Variants in C12orf42 observed in about 807,000 individuals in gnomAD.
The protein encoded by C12orf42 is uncharacterized protein C12orf42.
In C12orf42, 25 loss-of-function variants were observed where a neutral mutation model predicts 21.6. The ratio of observed to expected loss-of-function variants is 1.16; its 90% confidence interval spans 0.84 to 1.62. The LOEUF (loss-of-function observed/expected upper bound fraction) is 1.62, where lower values mean the gene tolerates loss of function less well. Ranked by LOEUF, C12orf42 falls within the 40% of genes most tolerant of loss-of-function variation. The probability of loss-of-function intolerance (pLI) is 0.00; values close to 1 mark genes in which losing one functional copy is unlikely to be tolerated. For missense variants in C12orf42, 483 were observed against 459.3 expected (o/e 1.05, Z -0.47); for synonymous variants, 174 against 175.0 (o/e 0.99, Z 0.05).
At chr12:103,165,532 GGT>G in the C12orf42 span, among the ~76,000 whole-genome samples, 1 of 152,164 alleles carries the variant, frequency 6.6e-6, no homozygotes, top group Non-Finnish European at 1.5e-5. Context: ...AACAGTGGCA[GGT>G]AGAGACTCAA....
At chr12:103,242,824 A>G (rs1283255312) in intron 10 of C12orf42, among the ~76,000 whole-genome samples, 2 of 152,170 alleles carry the variant, frequency 1.3e-5, no homozygotes, top group Non-Finnish European at 2.9e-5. Context: ...CACTTTATAA[A>G]AAGACTCAAA....
intron 4 of C12orf42, among the ~76,000 whole-genome samples, chr12:103,365,789 A>G (rs1036527421): frequency 7.2e-5 from 11 of 152,204 alleles, no homozygotes; most frequent in South Asian, 6.2e-4. Flanking sequence ...AGACCTCTAC[A>G]AGGAAAACTA....
At chr12:103,557,932 G>A in the C12orf42 span, 1 of 152,182 alleles carries the variant, frequency 6.6e-6, no homozygotes, top group African/African-American at 2.4e-5. Flanking sequence ...GAAAATGATT[G>A]AAAATGTTAA....
the C12orf42 span, among the ~76,000 whole-genome samples, chr12:103,219,328 A>G: frequency 6.6e-6 from 1 of 152,220 alleles, no homozygotes; most frequent in Non-Finnish European, 1.5e-5. Context: ...CCTAGGCAAT[A>G]CCATTCAGGA....
At chr12:103,347,477 G>A (rs193195873) in intron 4 of C12orf42, among the ~76,000 whole-genome samples, 8 of 152,094 alleles carry the variant, frequency 5.3e-5, no homozygotes, top group East Asian at 3.9e-4. Context: ...GGGTTGGTTC[G>A]AAGTCTTTGC....
chr12:103,079,826 T>C, the C12orf42 span, among the ~76,000 whole-genome samples: 1 of 152,212 alleles, frequency 6.6e-6, no homozygotes, highest in African/African-American at 2.4e-5. Flanking sequence ...TTAGTATTTC[T>C]GTCCTGAAGT....
rs572437818 is a variant in C12orf42, at chr12:103,385,366, G to A, written c.147+16241C>T. Among the ~76,000 whole-genome samples, 39 of 152,250 alleles carry A rather than the reference G, an allele frequency of 2.6e-4. No homozygotes were observed. In the Middle Eastern group the frequency reaches 0.01, roughly 40 times the overall value. The stretch of plus-strand genomic sequence containing the variant: ...ATGTATACGCCTGGAACTGAATACC[G>A]TGTCAAATCTATTGGCACTGCATGT... On this transcript the variant is annotated intron_variant, in intron 3 of 5. Transcript: ENST00000548883.
At chr12:103,334,971 GC>G (rs1566099589) in intron 4 of C12orf42, among the ~76,000 whole-genome samples, 1 of 151,204 alleles carries the variant, frequency 6.6e-6, no homozygotes, top group African/African-American at 2.4e-5. Context: ...CCTTTGCTTT[GC>G]CCCCTTTCAA....
intron 2 of C12orf42, among the ~76,000 whole-genome samples, chr12:103,437,178 G>C (rs1293566511): frequency 1.3e-5 from 2 of 151,724 alleles, no homozygotes; most frequent in Non-Finnish European, 3.0e-5. Context: ...TGAAATGAAG[G>C]CAGAAATAAA....
chr12:103,481,059 T>C (rs1026429636), intron 1 of C12orf42, among the ~76,000 whole-genome samples: 3 of 151,802 alleles, frequency 2.0e-5, no homozygotes, highest in African/African-American at 7.2e-5. Context: ...GAGTTTATAA[T>C]TAGCTGCATT....
chr12:103,312,679 A>T (rs1301489868), intron 4 of C12orf42, among the ~76,000 whole-genome samples: 4 of 152,160 alleles, frequency 2.6e-5, no homozygotes, highest in Non-Finnish European at 4.4e-5. Flanking sequence ...ATTCTCCCAA[A>T]TATTCAAGTT....
At chr12:103,122,237 C>G in the C12orf42 span, among the ~76,000 whole-genome samples, 2 of 152,108 alleles carry the variant, frequency 1.3e-5, no homozygotes, top group African/African-American at 4.8e-5. Flanking sequence ...ACTACTTCCC[C>G]CACTTTATAA....
At chr12:103,346,448 A>G (rs1593535239) in intron 4 of C12orf42, among the ~76,000 whole-genome samples, 2 of 152,238 alleles carry the variant, frequency 1.3e-5, no homozygotes, top group South Asian at 4.1e-4. Context: ...TATTTATGGT[A>G]TACAATATGA....
downstream of C12orf42, among the ~76,000 whole-genome samples, chr12:103,264,382 A>T (rs1233456388): frequency 6.6e-6 from 1 of 152,164 alleles, no homozygotes; most frequent in Non-Finnish European, 1.5e-5. Context: ...TGGGCTGCTC[A>T]TTTGACTGCT....
intron 5 of C12orf42, 40 bp from the exon 6 acceptor site, chr12:103,302,599 C>G: frequency 6.5e-7 from 1 of 1,547,126 alleles, no homozygotes; most frequent in Non-Finnish European, 8.7e-7. Context: ...AGATGAGGCT[C>G]AAGCGTGCGG....
chr12:103,515,042 T>G, the C12orf42 span, among the ~76,000 whole-genome samples: 41 of 152,268 alleles, frequency 2.7e-4, 1 homozygote. Flanking sequence ...CCAGGGACAC[T>G]GCTAAACATC....
At chr12:103,332,281 A>C (rs1001838810) in intron 4 of C12orf42, among the ~76,000 whole-genome samples, 2 of 152,170 alleles carry the variant, frequency 1.3e-5, no homozygotes, top group African/African-American at 4.8e-5. Context: ...AACTTGCTCC[A>C]AGTTCATAAA....
intron 4 of C12orf42, among the ~76,000 whole-genome samples, chr12:103,351,148 T>G (rs1379990656): frequency 6.6e-6 from 1 of 152,182 alleles, no homozygotes; most frequent in East Asian, 1.9e-4. Context: ...TCCTTACATA[T>G]TTTAAGTTCA....
At chr12:103,083,189 AC>A in the C12orf42 span, among the ~76,000 whole-genome samples, 1 of 151,982 alleles carries the variant, frequency 6.6e-6, no homozygotes, top group Non-Finnish European at 1.5e-5. Context: ...ACATGGCGAA[AC>A]CCCGTCTCTA....
Sources: gnomAD v4.1 joint callset for allele counts (sites outside exome capture counted in the v4.1 genomes callset) on GRCh38, gnomAD v4.1.1 for gene constraint, MANE v1.5 for transcripts, NCBI Gene and HGNC (gene_info 2026-07-23, HGNC 2026-07-21) for gene names.